GPHN: variants seen among roughly 807,000 people sequenced by gnomAD.
The protein encoded by GPHN is gephyrin.
A neutral mutation model predicts 95.5 loss-of-function variants in GPHN; 17 were observed. The ratio of observed to expected loss-of-function variants is 0.18; its 90% CI spans 0.12 to 0.27. The LOEUF is 0.27. GPHN is among the 10% of genes least tolerant of loss of function. The probability of loss-of-function intolerance (pLI) is 1.00; values close to 1 mark genes in which losing one functional copy is unlikely to be tolerated. For missense variants in GPHN, 660 were observed against 978.1 expected (o/e 0.67, Z 4.34); for synonymous variants, 320 against 322.5 (o/e 0.99, Z 0.08).
chr14:66,596,890 G>C (rs895602002), intron 1 of GPHN, among the ~76,000 whole-genome samples: 1 of 152,196 alleles, frequency 6.6e-6, no homozygotes, highest in Admixed American at 6.5e-5. Context: ...AGCCCCAGCT[G>C]TGCCTCCCCC....
chr14:67,073,163 G>T (rs2076373275), intron 11 of GPHN, among the ~76,000 whole-genome samples: 1 of 151,882 alleles, frequency 6.6e-6, no homozygotes, highest in African/African-American at 2.4e-5. Context: ...TAAGATCCAG[G>T]GTTCAAAAAG....
At chr14:67,086,598 G>A (rs1184384470) in intron 11 of GPHN, among the ~76,000 whole-genome samples, 1 of 148,604 alleles carries the variant, frequency 6.7e-6, no homozygotes, top group Non-Finnish European at 1.5e-5. Context: ...CCTGCAGTGA[G>A]CCGAGATTGC....
chr14:67,280,220 A>G, the GPHN span, among the ~76,000 whole-genome samples: 1 of 152,338 alleles, frequency 6.6e-6, no homozygotes, highest in South Asian at 2.1e-4. Context: ...AGAGATTGAT[A>G]TCAAATGCAT....
At chr14:67,275,612 G>A in the GPHN span, among the ~76,000 whole-genome samples, 1 of 152,142 alleles carries the variant, frequency 6.6e-6, no homozygotes, top group Non-Finnish European at 1.5e-5. Flanking sequence ...CCCGGCTTTG[G>A]TATCAGGATG....
chr14:67,510,807 G>T, the GPHN span, among the ~76,000 whole-genome samples: 1 of 152,186 alleles, frequency 6.6e-6, no homozygotes, highest in East Asian at 1.9e-4. Context: ...GATGGGGGTT[G>T]TCAGTGGGCT....
intron 17 of GPHN, among the ~76,000 whole-genome samples, chr14:67,124,202 T>TCAGCC (rs546391509): frequency 1.2e-3 from 187 of 152,304 alleles, no homozygotes; most frequent in Non-Finnish European, 2.2e-3. Context: ...GGTCAGGAGT[T>TCAGCC]TGAGACCAGC....
At chr14:67,661,300 GT>G in the GPHN span, among the ~76,000 whole-genome samples, 276 of 86,718 alleles carry the variant, frequency 3.2e-3, 2 homozygotes, top group Admixed American at 5.9e-3. Flanking sequence ...AAAAAAAAAA[GT>G]TTTTTTTTTT....
At chr14:67,200,779 C>G in the GPHN span, among the ~76,000 whole-genome samples, 1 of 152,072 alleles carries the variant, frequency 6.6e-6, no homozygotes, top group Non-Finnish European at 1.5e-5. Flanking sequence ...ATTTTTTCAC[C>G]TTTCATCCTG....
chr14:67,126,915 C>G (rs2079356211), intron 17 of GPHN, among the ~76,000 whole-genome samples: 1 of 151,770 alleles, frequency 6.6e-6, no homozygotes, highest in South Asian at 2.1e-4. Flanking sequence ...ACTATGCAGC[C>G]ATAAAAAATG....
At chr14:67,469,745 C>T in the GPHN span, among the ~76,000 whole-genome samples, 4 of 152,254 alleles carry the variant, frequency 2.6e-5, no homozygotes, top group South Asian at 8.3e-4. Flanking sequence ...TGCACTTCTC[C>T]AACAAAACAG....
the GPHN span, among the ~76,000 whole-genome samples, chr14:67,530,451 T>C: frequency 6.6e-6 from 1 of 152,224 alleles, no homozygotes; most frequent in Admixed American, 6.5e-5. Flanking sequence ...ACTAAGATGC[T>C]GTAATATTGA....
chr14:67,569,109 C>G, the GPHN span: 1 of 1,525,970 alleles, frequency 6.6e-7, no homozygotes, highest in Non-Finnish European at 9.1e-7. Context: ...CATGCCGGGC[C>G]CTGAGCTTCC....
intron 4 of GPHN, among the ~76,000 whole-genome samples, chr14:66,836,275 C>G (rs1596078476): frequency 7.3e-6 from 1 of 136,734 alleles, no homozygotes; most frequent in Non-Finnish European, 1.5e-5. Context: ...ACAGAGCCCT[C>G]AGAAATAACA....
intron 1 of GPHN, among the ~76,000 whole-genome samples, chr14:66,632,003 T>G (rs751120203): frequency 6.6e-6 from 1 of 152,216 alleles, no homozygotes; most frequent in Non-Finnish European, 1.5e-5. Context: ...CCTACCTAAT[T>G]TCCTATTCGT....
intron 9 of GPHN, among the ~76,000 whole-genome samples, chr14:67,017,149 A>T (rs2073359699): frequency 6.6e-6 from 1 of 152,098 alleles, no homozygotes; most frequent in South Asian, 2.1e-4. Context: ...TGAGTTCTTC[A>T]GTTGAATATG....
chr14:67,177,415 T>A (rs189711767), intron 21 of GPHN, among the ~76,000 whole-genome samples: 35 of 152,362 alleles, frequency 2.3e-4, no homozygotes, highest in African/African-American at 8.2e-4. Flanking sequence ...TCCTGAGTTC[T>A]AATTTGATTG....
the GPHN span, among the ~76,000 whole-genome samples, chr14:67,391,538 A>T: frequency 1.2e-4 from 19 of 152,168 alleles, no homozygotes; most frequent in Non-Finnish European, 2.4e-4. Flanking sequence ...CCTGATATGC[A>T]GGAAGCAGGT....
chr14:67,672,681 G>T, the GPHN span, among the ~76,000 whole-genome samples: 1 of 147,282 alleles, frequency 6.8e-6, no homozygotes, highest in Non-Finnish European at 1.5e-5. Context: ...GACCTCAAGT[G>T]ATCCGCCCGC....
At chr14:67,039,384 T>C (rs1378208005) in intron 10 of GPHN, among the ~76,000 whole-genome samples, 2 of 152,232 alleles carry the variant, frequency 1.3e-5, no homozygotes, top group Non-Finnish European at 2.9e-5. Flanking sequence ...TAGTGTTTTG[T>C]TTGTACTTTA....
Sources: gnomAD v4.1 joint callset for allele counts (sites outside exome capture counted in the v4.1 genomes callset) on GRCh38, gnomAD v4.1.1 for gene constraint, MANE v1.5 for transcripts, NCBI Gene and HGNC (gene_info 2026-07-23, HGNC 2026-07-21) for gene names.